ZNF34: variants seen among roughly 807,000 people sequenced by gnomAD.
ZNF34 encodes the protein zinc finger protein 34 (KOX 32).
Under a neutral mutation model 14.4 loss-of-function variants are expected in ZNF34, and 8 were observed. That is an observed-to-expected ratio of 0.55 (90% CI 0.33 to 1.00). The LOEUF is 1.00. Ranked by LOEUF, ZNF34 falls within the 50% of genes least tolerant of loss-of-function variation. ZNF34 has a pLI of 0.03. For missense variants in ZNF34, 538 were observed against 674.2 expected, an observed-to-expected ratio of 0.80 and a Z score of 2.24; for synonymous variants, 235 against 247.9, an observed-to-expected ratio of 0.95 and a Z score of 0.49.
rs1228063863 is a variant in ZNF34 at position 144,777,394 on chromosome 8, C to T, written c.280+64G>A. The T allele has an allele frequency of 2.6e-6, 4 of 1,520,178 alleles. No individual in the cohort carries two copies. Among genetic ancestry groups the T allele is most frequent in the East Asian group, 2.5e-5 (1 of 40,352 alleles). 94.2% of individuals were successfully genotyped at this position (1,520,178 alleles called of 1,614,324 possible). A position where few individuals can be genotyped will look rare whatever the true frequency, so the allele number is the denominator to read the frequency against. On this transcript the variant is annotated intron_variant, in intron 5 of 5. Coordinates refer to ENST00000429371, the MANE Select transcript of ZNF34 (RefSeq NM_001286769.2). This position sits in a 1 kb window ranked among gnomAD's most constrained non-coding sequence, Gnocchi z 4.8. ...ACAAACTCCTGATTCATTAATCAGA[C>T]ACCCTGGACCCCAATAAAGGCTCGT...
chr8:144,783,996 C>A (rs965316135), intron 1 of ZNF34, among the ~76,000 whole-genome samples: 2 of 151,932 alleles, frequency 1.3e-5, no homozygotes, highest in Non-Finnish European at 2.9e-5. Context: ...CCCATCTCTA[C>A]TAACAATATA....
chr8:144,783,957 C>T (rs1296181941), intron 1 of ZNF34, among the ~76,000 whole-genome samples: 1 of 151,668 alleles, frequency 6.6e-6, no homozygotes, highest in Non-Finnish European at 1.5e-5. Flanking sequence ...GAGGTCAGAT[C>T]GAGACCATCC....
At chr8:144,785,123 A>G (rs978279085) in intron 1 of ZNF34, among the ~76,000 whole-genome samples, 3 of 150,832 alleles carry the variant, frequency 2.0e-5, no homozygotes, top group South Asian at 2.1e-4. Context: ...AAAAAAAAAA[A>G]AAAAAAGAAA....
At chr8:144,786,861 C>G (rs890395090) in intron 1 of ZNF34, among the ~76,000 whole-genome samples, 1 of 151,760 alleles carries the variant, frequency 6.6e-6, no homozygotes, top group Non-Finnish European at 1.5e-5. Flanking sequence ...CTGGGAGGAC[C>G]GCGAGACGCA....
Position 144,777,387 on chromosome 8 carries a change from A to T in ZNF34, c.280+71T>A, listed in dbSNP as rs1461982228. 15 of 1,513,202 alleles carry T rather than the reference A, an allele frequency of 9.9e-6. No homozygotes were observed. The highest frequency in any genetic ancestry group is 1.3e-5 in the Non-Finnish European group (15 of 1,124,676). 93.7% of individuals were successfully genotyped at this position (1,513,202 alleles called of 1,614,324 possible). A position where few individuals can be genotyped will look rare whatever the true frequency, so the allele number is the denominator to read the frequency against. ...CTGGCCCACAAACTCCTGATTCATT[A>T]ATCAGACACCCTGGACCCCAATAAA... On this transcript the variant is annotated intron_variant, in intron 5 of 5. Coordinates refer to ENST00000429371, the MANE Select transcript of ZNF34 (RefSeq NM_001286769.2). This position sits in a 1 kb window ranked among gnomAD's most constrained non-coding sequence, Gnocchi z 4.8.
chr8:144,786,047 G>A (rs932956346), intron 1 of ZNF34, among the ~76,000 whole-genome samples: 10 of 148,854 alleles, frequency 6.7e-5, no homozygotes, highest in Non-Finnish European at 3.0e-5. Flanking sequence ...AGCAGTGGCG[G>A]GATCTTGGCT....
At chr8:144,784,029 A>AGCG (rs1491481133) in intron 1 of ZNF34, among the ~76,000 whole-genome samples, 3 of 152,056 alleles carry the variant, frequency 2.0e-5, no homozygotes, top group Non-Finnish European at 4.4e-5. Flanking sequence ...CCATGGTGGC[A>AGCG]GGCGCCTGTA....
At chr8:144,784,589 C>G (rs994276065) in intron 1 of ZNF34, among the ~76,000 whole-genome samples, 1 of 151,398 alleles carries the variant, frequency 6.6e-6, no homozygotes, top group Non-Finnish European at 1.5e-5. Context: ...GAAACACTGT[C>G]TCTACTAAAA....
rs373450658 is a variant in ZNF34, at chr8:144,777,597, T to C, written c.161-20A>G. On this transcript the variant is annotated intron_variant, in intron 4 of 5. Coordinates refer to ENST00000429371, the MANE Select transcript of ZNF34 (RefSeq NM_001286769.2). The surrounding 1 kb of genome is among the most constrained non-coding windows in gnomAD (Gnocchi z 4.8). ...CTACTCCTGGGAAGGAGACAGGGAC[T>C]GGGGTTGGTACCAAGGACACAGGGC... 1.9e-5 allele frequency: 29 copies of C among 1,550,606 alleles called. No homozygotes were observed. The highest frequency in any genetic ancestry group is 1.7e-4 in the Middle Eastern group (1 of 6,006).
intron 5 of ZNF34, among the ~76,000 whole-genome samples, chr8:144,776,878 C>T (rs527565547): frequency 6.7e-6 from 1 of 148,704 alleles, no homozygotes; most frequent in Non-Finnish European, 1.5e-5. Context: ...TACCACTGCA[C>T]TCCAGCCTGG....
chr8:144,777,642 C>A lies in ZNF34; in HGVS notation c.161-65G>T, dbSNP rs956648942. 9.2e-5 allele frequency: 140 copies of A among 1,528,004 alleles called. No individual in the cohort carries two copies. Among genetic ancestry groups the A allele is most frequent in the Non-Finnish European group, 1.1e-4 (130 of 1,134,330 alleles). 94.7% of individuals were successfully genotyped at this position (1,528,004 alleles called of 1,614,324 possible). A position where few individuals can be genotyped will look rare whatever the true frequency, so the allele number is the denominator to read the frequency against. ...CAGGGCAGCACCTAGTGCTGTCTCA[C>A]CCTGGGGCTGCAGGGTAAGGGAGGC... On this transcript the variant is annotated intron_variant, in intron 4 of 5. Coordinates refer to ENST00000429371, the MANE Select transcript of ZNF34 (RefSeq NM_001286769.2). This position sits in a 1 kb window ranked among gnomAD's most constrained non-coding sequence, Gnocchi z 4.8.
In ZNF34 at chr8:144,779,134, C is replaced by T. The variant is rs1825715132; in HGVS notation, c.-54-609G>A. The stretch of plus-strand genomic sequence containing the variant: ...TGTGGCTTGGATGGAATCCAGGGCT[C>T]AGGGCACAAAACCCCTCGTGGCTTG... On this transcript the variant is annotated intron_variant, in intron 2 of 5. Transcript: ENST00000429371. This position sits in a 1 kb window ranked among gnomAD's most constrained non-coding sequence, Gnocchi z 4.1. Among the ~76,000 whole-genome samples, 1 of 152,018 alleles carries T rather than the reference C, an allele frequency of 6.6e-6. No homozygotes were observed. The highest frequency in any genetic ancestry group is 2.4e-5 in the African/African-American group (1 of 41,394).
intron 1 of ZNF34, among the ~76,000 whole-genome samples, chr8:144,782,842 CAAAAAAAAAAAAAAA>C (rs548252812): frequency 7.0e-4 from 16 of 22,980 alleles, no homozygotes; most frequent in East Asian, 6.1e-3. Flanking sequence ...AAGCCTATCT[CAAAAAAAAAAAAAAA>C]AAAAAAAAAA....
In ZNF34 at chr8:144,776,900, C is replaced by T. The variant is rs991042178; in HGVS notation, c.280+558G>A. Among the ~76,000 whole-genome samples the T allele has an allele frequency of 8.8e-5, 10 of 114,056 alleles. No individual in the cohort carries two copies. In the East Asian group the frequency reaches 2.0e-3, roughly 23 times the overall value. The allele number at this position is 114,056 out of a possible 152,430, so 74.8% of individuals were successfully genotyped here. A position where few individuals can be genotyped will look rare whatever the true frequency, so the allele number is the denominator to read the frequency against. ...GCACTCCAGCCTGGGTGATAGAGGG[C>T]GACCCTGTCTCAAAAAAAAAAAAAA... is the stretch of plus-strand genomic sequence containing the variant. On this transcript the variant is annotated intron_variant, in intron 5 of 5. Coordinates refer to ENST00000429371, the MANE Select transcript of ZNF34 (RefSeq NM_001286769.2).
At chr8:144,785,298 C>T (rs1826159575) in intron 1 of ZNF34, 1 of 151,972 alleles carries the variant, frequency 6.6e-6, no homozygotes, top group Non-Finnish European at 1.5e-5. Flanking sequence ...CAGGATATGA[C>T]CTGGCAAACC....
chr8:144,785,103 T>C (rs1237730712), intron 1 of ZNF34, among the ~76,000 whole-genome samples: 1 of 89,258 alleles, frequency 1.1e-5, no homozygotes, highest in African/African-American at 5.2e-5. Context: ...AGCCAGACCC[T>C]GCCAAAAAAA....
intron 1 of ZNF34, among the ~76,000 whole-genome samples, chr8:144,786,198 G>A (rs1293689232): frequency 6.6e-6 from 1 of 151,656 alleles, no homozygotes; most frequent in African/African-American, 2.4e-5. Flanking sequence ...GGGTTAGCCA[G>A]GATGGTCTCG....
rs1183778598 is a variant in ZNF34, at chr8:144,772,586, C to G, written c.*680G>C. Reference sequence around the variant, plus strand: ...ACAGCGTCTCGCTCTGTCACCCAGGCTGGAGTACAGTGGCACAGTCTTGGC... The same window carrying G: ...ACAGCGTCTCGCTCTGTCACCCAGGGTGGAGTACAGTGGCACAGTCTTGGC... On this transcript the variant is annotated 3_prime_UTR_variant, in exon 6 of 6. Transcript: ENST00000429371. Among the ~76,000 whole-genome samples the G allele has an allele frequency of 1.3e-5, 2 of 152,258 alleles. No homozygotes were observed. Among genetic ancestry groups the G allele is most frequent in the Non-Finnish European group, 2.9e-5 (2 of 68,056 alleles).
At position 144,779,311 on chromosome 8, in the gene ZNF34, G is replaced by A. The variant is rs1040988944; in HGVS notation, c.-54-786C>T. 2.0e-5 allele frequency among the ~76,000 whole-genome samples: 3 copies of A among 152,184 alleles called. No homozygotes were observed. Among genetic ancestry groups the A allele is most frequent in the African/African-American group, 7.2e-5 (3 of 41,442 alleles). ...ATAGTACATATGTGTCAAAGAAAAT[G>A]CTAAACCGTCACAGCTACGCTTGAT... On this transcript the variant is annotated intron_variant, in intron 2 of 5. Coordinates refer to ENST00000429371, the MANE Select transcript of ZNF34 (RefSeq NM_001286769.2). The surrounding 1 kb of genome is among the most constrained non-coding windows in gnomAD (Gnocchi z 4.1).
Sources: allele counts gnomAD v4.1 joint callset (sites outside exome capture counted in the v4.1 genomes callset), GRCh38; gene constraint gnomAD v4.1.1; non-coding constraint Gnocchi (gnomAD v3.1); transcripts MANE v1.5; gene names NCBI Gene and HGNC (gene_info 2026-07-23, HGNC 2026-07-21).